Variants in PNLIPRP3 observed in about 807,000 individuals in gnomAD.
PNLIPRP3 encodes the protein pancreatic lipase related protein 3.
Under a neutral mutation model 52.8 loss-of-function variants are expected in PNLIPRP3, and 58 were observed. The observed-to-expected ratio is 1.10, with a 90% CI of 0.89 to 1.37. PNLIPRP3 has a LOEUF of 1.37. Among genes scored for constraint, PNLIPRP3 ranks in the 40% most tolerant of loss-of-function variants. PNLIPRP3 has a pLI of 0.00. For synonymous variants in PNLIPRP3, 192 were observed against 185.0 expected, an observed-to-expected ratio of 1.04 and a Z score of -0.31; for missense variants, 593 against 561.6, an observed-to-expected ratio of 1.06 and a Z score of -0.57.
chr10:116,459,983 G>A (rs1846168159), intron 5 of PNLIPRP3, among the ~76,000 whole-genome samples: 1 of 152,112 alleles, frequency 6.6e-6, no homozygotes, highest in Admixed American at 6.5e-5. Flanking sequence ...GGCCTGGCTG[G>A]TGTCGAACTC....
intron 4 of PNLIPRP3, among the ~76,000 whole-genome samples, chr10:116,446,345 CAAAAAAAAA>C (rs35901373): frequency 1.5e-5 from 1 of 65,884 alleles, no homozygotes; most frequent in Non-Finnish European, 2.7e-5. Flanking sequence ...CGCTGCGTCT[CAAAAAAAAA>C]AAAAAAAAAA....
At chr10:116,457,651 A>G (rs1191059307) in intron 5 of PNLIPRP3, among the ~76,000 whole-genome samples, 1 of 152,138 alleles carries the variant, frequency 6.6e-6, no homozygotes, top group African/African-American at 2.4e-5. Context: ...GTCAATTTTC[A>G]AGCCCAGAAA....
chr10:116,475,906 A>G (rs565396865), intron 10 of PNLIPRP3, among the ~76,000 whole-genome samples: 1 of 152,318 alleles, frequency 6.6e-6, no homozygotes, highest in East Asian at 1.9e-4. Flanking sequence ...ACACAACAAA[A>G]AAAGGGACTG....
chr10:116,448,096 T>A (rs1845981822), intron 4 of PNLIPRP3, among the ~76,000 whole-genome samples: 1 of 151,836 alleles, frequency 6.6e-6, no homozygotes. Flanking sequence ...TGTGGAAATA[T>A]AAAACTCTCT....
intron 8 of PNLIPRP3, among the ~76,000 whole-genome samples, chr10:116,466,621 G>T (rs1846285498): frequency 6.6e-6 from 1 of 151,712 alleles, no homozygotes. Flanking sequence ...ATACAGAGCA[G>T]AACTAAAGCA....
chr10:116,436,083 T>C lies in PNLIPRP3; in HGVS notation c.50-628T>C, dbSNP rs1180203979. ...GTCTTTGACAAGGGTGCCAAGAATA[T>C]GCAATGAGGAAATGATTGGCTTATT... is the stretch of plus-strand genomic sequence containing the variant. On this transcript the variant is annotated intron_variant, in intron 1 of 11. Coordinates refer to ENST00000369230, the MANE Select transcript of PNLIPRP3 (RefSeq NM_001011709.3). Among the ~76,000 whole-genome samples, 7 of 152,108 alleles carry C rather than the reference T, an allele frequency of 4.6e-5. 1 individual carries two copies. Among genetic ancestry groups the C allele is most frequent in the Non-Finnish European group, 8.8e-5 (6 of 68,032 alleles).
chr10:116,476,603 G>C, intron 10 of PNLIPRP3, 49 bp from the exon 11 acceptor site: 1 of 1,427,324 alleles, frequency 7.0e-7, no homozygotes, highest in Non-Finnish European at 9.5e-7. Flanking sequence ...CTTTCATTCA[G>C]TGCTGTGAAT....
At chr10:116,460,892 G>A in intron 5 of PNLIPRP3, 74 bp from the exon 6 acceptor site, 1 of 1,551,970 alleles carries the variant, frequency 6.4e-7, no homozygotes, top group Non-Finnish European at 8.8e-7. Context: ...TGTAGGAAAG[G>A]ACACATGCTT....
At chr10:116,438,594 T>G (rs1321676555) in intron 2 of PNLIPRP3, among the ~76,000 whole-genome samples, 1 of 152,208 alleles carries the variant, frequency 6.6e-6, no homozygotes, top group Non-Finnish European at 1.5e-5. Flanking sequence ...TTCCCTCCAT[T>G]TGGAAAGAAT....
In PNLIPRP3 at chr10:116,455,746, A is replaced by G. The variant is rs1846102975; in HGVS notation, c.481A>G (p.Lys161Glu). Reference protein sequence around the residue: ...LMKKFEYSPSKVHLIGHSLGA... With the variant: ...LMKKFEYSPSEVHLIGHSLGA... ...GAAAAAATTTGAATATTCCCCTTCTAAAGTGCACTTGATTGGCCACAGCTT... is the reference window on the plus strand; with the variant it reads ...GAAAAAATTTGAATATTCCCCTTCTGAAGTGCACTTGATTGGCCACAGCTT... Residue 161 changes from lysine to glutamate, a missense_variant, in exon 5 of 12, where the codon AAA becomes GAA. By Grantham distance (56) the Lys-to-Glu change is moderately conservative. Coordinates refer to ENST00000369230, the MANE Select transcript of PNLIPRP3 (RefSeq NM_001011709.3). 6.2e-7 allele frequency: 1 copy of G among 1,613,810 alleles called. No homozygotes were observed. Among genetic ancestry groups the G allele is most frequent in the Non-Finnish European group, 8.5e-7 (1 of 1,179,896 alleles).
intron 8 of PNLIPRP3, 75 bp downstream of exon 8, chr10:116,466,243 G>C: frequency 8.8e-7 from 1 of 1,131,210 alleles, no homozygotes; most frequent in Non-Finnish European, 1.3e-6. Flanking sequence ...TAAACATTAG[G>C]GCTTTGTGTA....
At chr10:116,436,646 G>A (rs549231086) in intron 1 of PNLIPRP3, 65 bp from the exon 2 acceptor site, 15 of 1,424,842 alleles carry the variant, frequency 1.1e-5, no homozygotes, top group Non-Finnish European at 1.3e-5. Flanking sequence ...TTAACTCATA[G>A]TGAGAAACAC....
In PNLIPRP3 at chr10:116,444,367, A is replaced by G. The variant is rs1303226812; in HGVS notation, c.325-15A>G. ...ACACTTATTTATTTAATATTTATAT[A>G]AATCTTTGTGCCAGGTGTTGCTACA... On this transcript the variant is annotated splice_polypyrimidine_tract_variant and intron_variant, in intron 3 of 11. Coordinates refer to ENST00000369230, the MANE Select transcript of PNLIPRP3 (RefSeq NM_001011709.3). The G allele has an allele frequency of 6.3e-7, 1 of 1,587,856 alleles. No individual in the cohort carries two copies.
intron 10 of PNLIPRP3, among the ~76,000 whole-genome samples, chr10:116,473,585 G>C (rs1016722639): frequency 6.6e-6 from 1 of 151,982 alleles, no homozygotes; most frequent in African/African-American, 2.4e-5. Flanking sequence ...GTAGTGGCAT[G>C]ATCTCACCTC....
intron 2 of PNLIPRP3, among the ~76,000 whole-genome samples, chr10:116,437,172 C>A (rs1391306714): frequency 1.3e-5 from 2 of 152,118 alleles, no homozygotes; most frequent in African/African-American, 4.8e-5. Flanking sequence ...GCAACAATGC[C>A]TATTGTCTAT....
intron 2 of PNLIPRP3, chr10:116,439,369 G>A (rs1168404910): frequency 6.1e-6 from 3 of 495,228 alleles, no homozygotes; most frequent in Non-Finnish European, 3.7e-6. Context: ...ACCTAATGAG[G>A]GCAACAGACA....
chr10:116,431,720 G>C (rs1213808523), intron 1 of PNLIPRP3, among the ~76,000 whole-genome samples: 1 of 152,080 alleles, frequency 6.6e-6, no homozygotes, highest in African/African-American at 2.4e-5. Flanking sequence ...TTTCCCCAGA[G>C]ATTTTTAGAT....
At chr10:116,475,265 A>G (rs1846445384) in intron 10 of PNLIPRP3, among the ~76,000 whole-genome samples, 1 of 152,174 alleles carries the variant, frequency 6.6e-6, no homozygotes, top group Non-Finnish European at 1.5e-5. Context: ...AGGAAACAAC[A>G]CACACCAGGA....
chr10:116,453,848 C>T (rs776457445), intron 4 of PNLIPRP3, among the ~76,000 whole-genome samples: 1 of 152,010 alleles, frequency 6.6e-6, no homozygotes, highest in Non-Finnish European at 1.5e-5. Context: ...ATAGACGTGC[C>T]GTGATGGTTT....
Sources: allele counts gnomAD v4.1 joint callset (sites outside exome capture counted in the v4.1 genomes callset), GRCh38; gene constraint gnomAD v4.1.1; transcripts MANE v1.5; gene names NCBI Gene and HGNC (gene_info 2026-07-23, HGNC 2026-07-21).